The following ERAP1 variants were observed in gnomAD, a reference collection of about 807,000 sequenced individuals.
The protein encoded by ERAP1 is adipocyte-derived leucine aminopeptidase.
ERAP1 carries 86 observed loss-of-function variants against 103.7 expected under a neutral mutation model. That is an observed-to-expected ratio of 0.83 (90% CI 0.70 to 0.99). ERAP1 has a LOEUF of 0.99. ERAP1 is among the 50% of genes least tolerant of loss of function. The pLI is 0.00. For missense variants in ERAP1, 1,009 were observed against 1,128.4 expected (o/e 0.89, Z 1.52); for synonymous variants, 398 against 402.4 (o/e 0.99, Z 0.13).
chr5:96,908,680 A>G, the ERAP1 span, among the ~76,000 whole-genome samples: 4 of 152,190 alleles, frequency 2.6e-5, no homozygotes, highest in Non-Finnish European at 5.9e-5. Context: ...CATTATTCTA[A>G]ATGCTTTTTA....
At chr5:96,786,747 T>G in intron 11 of ERAP1, 198 bp from the exon 12 acceptor site, 1 of 565,812 alleles carries the variant, frequency 1.8e-6, no homozygotes, top group Non-Finnish European at 3.2e-6. Flanking sequence ...TTCCTTTTCT[T>G]GGACTCCTTG....
chr5:96,863,651 G>A, the ERAP1 span, among the ~76,000 whole-genome samples: 4 of 151,920 alleles, frequency 2.6e-5, no homozygotes, highest in Non-Finnish European at 5.9e-5. Context: ...CCATGGTCAC[G>A]ACTTTGCTGC....
At chr5:96,813,418 G>A in the ERAP1 span, among the ~76,000 whole-genome samples, 1 of 152,078 alleles carries the variant, frequency 6.6e-6, no homozygotes, top group African/African-American at 2.4e-5. Flanking sequence ...ACTTTGGGAG[G>A]CCAAGGCAGG....
the ERAP1 span, chr5:96,895,267 A>G: frequency 6.2e-6 from 10 of 1,612,010 alleles, no homozygotes; most frequent in East Asian, 4.5e-5. Flanking sequence ...CCTGGTCACA[A>G]TGGAATGGTG....
chr5:96,818,021 GA>G, the ERAP1 span, among the ~76,000 whole-genome samples: 44 of 152,142 alleles, frequency 2.9e-4, no homozygotes, highest in African/African-American at 9.6e-4. Flanking sequence ...TACTGAGGTT[GA>G]ACAAATAAAA....
At chr5:96,849,957 C>A in the ERAP1 span, among the ~76,000 whole-genome samples, 2 of 152,066 alleles carry the variant, frequency 1.3e-5, no homozygotes, top group Admixed American at 6.6e-5. Context: ...TAAATCCGTG[C>A]ATGTATAGTC....
the ERAP1 span, among the ~76,000 whole-genome samples, chr5:96,870,351 C>T: frequency 4.1e-3 from 622 of 152,290 alleles, 5 homozygotes; most frequent in African/African-American, 0.014. Flanking sequence ...CAAACATGAA[C>T]GTTGTCCAAA....
At chr5:96,866,681 A>T in the ERAP1 span, among the ~76,000 whole-genome samples, 1 of 152,152 alleles carries the variant, frequency 6.6e-6, no homozygotes, top group African/African-American at 2.4e-5. Flanking sequence ...CTTCTAGGAG[A>T]GACCTCGTAC....
the ERAP1 span, among the ~76,000 whole-genome samples, chr5:96,860,778 T>C: frequency 3.6e-4 from 55 of 152,294 alleles, no homozygotes; most frequent in East Asian, 9.3e-3. Context: ...TATCATATTC[T>C]AAATGATTGC....
chr5:96,798,324 C>CAAAAAAA lies in ERAP1; in HGVS notation c.664-1022_664-1016dup, dbSNP rs3076633. Among the ~76,000 whole-genome samples, 423 of 76,244 alleles carry CAAAAAAA rather than the reference C, an allele frequency of 5.5e-3. 3 individuals are homozygous for CAAAAAAA. Among genetic ancestry groups the CAAAAAAA allele is most frequent in the African/African-American group, 0.017 (319 of 18,574 alleles). 50.0% of individuals were successfully genotyped at this position (76,244 alleles called of 152,430 possible). A position where few individuals can be genotyped will look rare whatever the true frequency, so the allele number is the denominator to read the frequency against. On this transcript the variant is annotated intron_variant, in intron 3 of 18. Transcript: ENST00000443439. ...TGGATGACAGAGCGAGACTCCATCT[C>CAAAAAAA]AAAAAAAAAAAAAAAAAAAGATTTG... is the stretch of plus-strand genomic sequence containing the variant.
In ERAP1 at chr5:96,794,401, G is replaced by A. The variant is rs138346523; in HGVS notation, c.920-444C>T. ...AACAGGGTTTTGCCATGTTGCCCAG[G>A]CTGGCCTCAAACTCCTGGGCTCAAG... On this transcript the variant is annotated intron_variant, in intron 5 of 18. Coordinates refer to ENST00000443439, the MANE Select transcript of ERAP1 (RefSeq NM_001040458.3). Among the ~76,000 whole-genome samples the A allele has an allele frequency of 4.7e-3, 715 of 152,002 alleles. 7 individuals are homozygous for A. The highest frequency in any genetic ancestry group is 0.017 in the African/African-American group (687 of 41,450).
chr5:96,852,219 A>T, the ERAP1 span, among the ~76,000 whole-genome samples: 1 of 152,312 alleles, frequency 6.6e-6, no homozygotes, highest in East Asian at 1.9e-4. Flanking sequence ...TATACTCAGG[A>T]TCATGAAATC....
rs866299479 is a variant in ERAP1 at position 96,765,244 on chromosome 5, T to C, written c.2819-2016A>G. ...AGCAGAGTGACAAAGACCTCGATGA[T>C]GCCTTGGATAAACTCTCTGACAGTC... On this transcript the variant is annotated intron_variant, in intron 19 of 19. Transcript: ENST00000296754. 13 of 1,603,782 alleles carry C rather than the reference T, an allele frequency of 8.1e-6. 1 individual carries two copies. The Middle Eastern group carries it at 1.5e-3, about 184-fold the overall frequency.
the ERAP1 span, among the ~76,000 whole-genome samples, chr5:96,834,923 A>T: frequency 4.6e-5 from 7 of 152,200 alleles, no homozygotes; most frequent in South Asian, 2.1e-4. Context: ...CCATTGAATC[A>T]AAATCTGATT....
upstream of ERAP1, among the ~76,000 whole-genome samples, chr5:96,812,342 A>G (rs573377690): frequency 3.3e-5 from 5 of 152,366 alleles, no homozygotes; most frequent in African/African-American, 1.2e-4. Context: ...TATACCCGTT[A>G]TGGTGAGTTG....
chr5:96,835,063 CT>C, the ERAP1 span, among the ~76,000 whole-genome samples: 5 of 152,152 alleles, frequency 3.3e-5, no homozygotes, highest in Non-Finnish European at 5.9e-5. Context: ...TCAAAGAATA[CT>C]AAGGGGCTGT....
intron 11 of ERAP1, among the ~76,000 whole-genome samples, chr5:96,787,683 C>T (rs1776209516): frequency 6.6e-6 from 1 of 151,862 alleles, no homozygotes; most frequent in Admixed American, 6.6e-5. Flanking sequence ...TACATACAGA[C>T]ATATGTATAT....
chr5:96,871,525 T>G, the ERAP1 span, among the ~76,000 whole-genome samples: 1 of 152,222 alleles, frequency 6.6e-6, no homozygotes, highest in Non-Finnish European at 1.5e-5. Flanking sequence ...GCAAATTTAC[T>G]TTCAAAATAT....
the ERAP1 span, among the ~76,000 whole-genome samples, chr5:96,837,901 C>T: frequency 6.6e-6 from 1 of 152,140 alleles, no homozygotes; most frequent in Non-Finnish European, 1.5e-5. Flanking sequence ...TCCCGCCATC[C>T]CTCTCTGAAA....
Sources: allele counts gnomAD v4.1 joint callset (sites outside exome capture counted in the v4.1 genomes callset), GRCh38; gene constraint gnomAD v4.1.1; transcripts MANE v1.5; gene names NCBI Gene and HGNC (gene_info 2026-07-23, HGNC 2026-07-21).